The following UBE2Z variants were observed in gnomAD, a reference collection of about 807,000 sequenced individuals.
UBE2Z encodes ubiquitin conjugating enzyme E2 Z, also known as ubiquitin-conjugating enzyme E2 Z.
A neutral mutation model predicts 32.6 loss-of-function variants in UBE2Z; 10 were observed. The observed-to-expected ratio is 0.31, with a 90% CI of 0.19 to 0.52. The LOEUF (loss-of-function observed/expected upper bound fraction) is 0.52. Among genes scored for constraint, UBE2Z ranks in the 20% least tolerant of loss-of-function variants. The pLI is 0.97. For synonymous variants in UBE2Z, 183 were observed against 190.8 expected (o/e 0.96, Z 0.34); for missense variants, 343 against 480.9 (o/e 0.71, Z 2.68).
At chr17:48,915,166 T>C (rs1381491467) in intron 3 of UBE2Z, among the ~76,000 whole-genome samples, 1 of 152,184 alleles carries the variant, frequency 6.6e-6, no homozygotes, top group African/African-American at 2.4e-5. Flanking sequence ...GACTCTGTTG[T>C]AAAGCTTCAG....
intron 4 of UBE2Z, among the ~76,000 whole-genome samples, chr17:48,920,056 A>G (rs1235577228): frequency 6.6e-6 from 1 of 152,066 alleles, no homozygotes; most frequent in South Asian, 2.1e-4. Context: ...GCATTGTGAC[A>G]TGTGCCTTGA....
At chr17:48,912,619 A>G (rs1000246447) in intron 2 of UBE2Z, 2 of 537,230 alleles carry the variant, frequency 3.7e-6, no homozygotes, top group Non-Finnish European at 3.3e-6. Context: ...ACCCCTGAGT[A>G]AGATGTCATT....
In UBE2Z at chr17:48,922,847, A is replaced by G; in HGVS notation, c.804A>G (p.Arg268=). Residue 268 remains arginine (R), a splice_region_variant and synonymous_variant, in exon 6 of 7, where the codon CGA becomes CGG. Coordinates refer to ENST00000360943, the MANE Select transcript of UBE2Z (RefSeq NM_023079.5). ...EGKCPCPEPL[R]GVMEKSFLEY... is the part of the protein sequence containing the mutation. ...TTACACTTTTCTGCTTGTTTTCCAG[A>G]GGGGTGATGGAGAAGTCCTTTCTGG... 6.2e-7 allele frequency: 1 copy of G among 1,609,524 alleles called. No homozygotes were observed. Among genetic ancestry groups the G allele is most frequent in the Non-Finnish European group, 8.5e-7 (1 of 1,176,814 alleles).
intron 5 of UBE2Z, 74 bp from the exon 6 acceptor site, chr17:48,922,773 A>C (rs537463438): frequency 7.2e-6 from 9 of 1,249,168 alleles, no homozygotes; most frequent in African/African-American, 3.0e-5. Context: ...TCTGAAAAAA[A>C]AAAAAGGTTA....
Position 48,912,815 on chromosome 17 carries a change from A to T in UBE2Z, c.391-19A>T. The T allele has an allele frequency of 6.2e-7, 1 of 1,611,978 alleles. No individual in the cohort carries two copies. On this transcript the variant is annotated intron_variant, in intron 2 of 6. Transcript: ENST00000360943. ...TGGGTCATCACCTCACAATTTTGAGATGGGGTTTTATTTTGCAGATTCATG... is the reference window on the plus strand; with the variant it reads ...TGGGTCATCACCTCACAATTTTGAGTTGGGGTTTTATTTTGCAGATTCATG...
At chr17:48,912,514 C>CAA (rs763993307) in intron 2 of UBE2Z, 85,184 of 224,630 alleles carry the variant, frequency 0.38, 14,607 homozygotes, top group East Asian at 0.53. Flanking sequence ...GAGGTCTGCA[C>CAA]AAAAAAAAAA....
Position 48,918,540 on chromosome 17 carries a change from G to A in UBE2Z, c.690+2353G>A, listed in dbSNP as rs561390140. Among the ~76,000 whole-genome samples, 9 of 151,876 alleles carry A rather than the reference G, an allele frequency of 5.9e-5. 1 individual carries two copies. The South Asian group carries it at 1.9e-3, about 32-fold the overall frequency. Reference sequence around the variant, plus strand: ...GTAGAGGTGGCGTTTCACCATGTTGGCCAGCTGGTCTTGAACTCCTGACCT... The same window carrying A: ...GTAGAGGTGGCGTTTCACCATGTTGACCAGCTGGTCTTGAACTCCTGACCT... On this transcript the variant is annotated intron_variant, in intron 4 of 6. Transcript: ENST00000360943.
intron 1 of UBE2Z, chr17:48,910,566 C>A: frequency 2.5e-6 from 1 of 405,928 alleles, no homozygotes. Context: ...GATTTTTTTC[C>A]TCTCTCCCTC....
At chr17:48,913,503 C>T (rs1021788389) in intron 3 of UBE2Z, among the ~76,000 whole-genome samples, 4 of 152,270 alleles carry the variant, frequency 2.6e-5, no homozygotes, top group African/African-American at 9.6e-5. Context: ...TACAGGCGTG[C>T]ACCACCACAC....
chr17:48,927,488 C>T lies in UBE2Z; in HGVS notation c.*354C>T. Reference sequence around the variant, plus strand: ...TAAGTGGAAGATGGAAATTGCAATTCCAAGAGGGAGTGTGCCCAAATGATT... The same window carrying T: ...TAAGTGGAAGATGGAAATTGCAATTTCAAGAGGGAGTGTGCCCAAATGATT... On this transcript the variant is annotated 3_prime_UTR_variant, in exon 7 of 7. Coordinates refer to ENST00000360943, the MANE Select transcript of UBE2Z (RefSeq NM_023079.5). 4.9e-6 allele frequency: 1 copy of T among 203,596 alleles called. No homozygotes were observed. The highest frequency in any genetic ancestry group is 5.2e-5 in the Admixed American group (1 of 19,116). The allele number at this position is 203,596 out of a possible 1,614,324, so 12.6% of individuals were successfully genotyped here.
chr17:48,912,790 T>TG, intron 2 of UBE2Z, 44 bp from the exon 3 acceptor site: 1 of 1,606,114 alleles, frequency 6.2e-7, no homozygotes, highest in East Asian at 2.2e-5. Context: ...GGGCTTGGGG[T>TG]GGGTCATCAC....
At chr17:48,923,307 C>G (rs1379421863) in intron 6 of UBE2Z, among the ~76,000 whole-genome samples, 1 of 120,422 alleles carries the variant, frequency 8.3e-6, no homozygotes, top group Non-Finnish European at 1.6e-5. Context: ...GACAACAGAC[C>G]GAGACTCTGT....
At position 48,921,203 on chromosome 17, in the gene UBE2Z, G is replaced by A. The variant is rs763642687; in HGVS notation, c.734G>A (p.Arg245Gln). The change falls in exon 5 of 7, where the codon CGG (arginine) becomes CAG (glutamine). Residue 245 changes from arginine (R) to glutamine (Q), a missense_variant. Arg to Gln is a conservative substitution (Grantham distance 43). Around this residue, in one of 4 missense-constraint regions of UBE2Z, gnomAD observed 182 missense variants for 312.4 expected, o/e 0.58. Coordinates refer to ENST00000360943, the MANE Select transcript of UBE2Z (RefSeq NM_023079.5). ...GDSKNYNECI[R>Q]HETIRVAVCD... is the part of the protein sequence containing the mutation. ...AGCAAAAACTATAATGAATGTATCC[G>A]GCACGAGACCATCAGAGTTGCAGTC... 37 of 1,612,746 alleles carry A rather than the reference G, an allele frequency of 2.3e-5. No individual in the cohort carries two copies. Among genetic ancestry groups the A allele is most frequent in the Non-Finnish European group, 3.1e-5 (36 of 1,179,454 alleles).
At chr17:48,909,174 C>T (rs2040655372) in intron 1 of UBE2Z, among the ~76,000 whole-genome samples, 1 of 150,934 alleles carries the variant, frequency 6.6e-6, no homozygotes, top group Non-Finnish European at 1.5e-5. Context: ...CCTTCGGCGC[C>T]GCCCCTATTT....
chr17:48,915,913 A>T, intron 3 of UBE2Z, 163 bp from the exon 4 acceptor site: 1 of 305,416 alleles, frequency 3.3e-6, no homozygotes, highest in Admixed American at 6.5e-5. Context: ...ATTTCTGGTG[A>T]AATCAGAACA....
Position 48,916,194 on chromosome 17 carries a change from C to A in UBE2Z, c.690+7C>A. The A allele has an allele frequency of 6.6e-7, 1 of 1,519,554 alleles. No individual in the cohort carries two copies. Among genetic ancestry groups the A allele is most frequent in the Non-Finnish European group, 8.8e-7 (1 of 1,132,920 alleles). The allele number at this position is 1,519,554 out of a possible 1,614,324, so 94.1% of individuals were successfully genotyped here. ...TGAGCCCGGCTTTGAACAGGTAAGG[C>A]CAGATGGGCCTGGCTCTGGGGTGTA... On this transcript the variant is annotated splice_region_variant and intron_variant, in intron 4 of 6. Coordinates refer to ENST00000360943, the MANE Select transcript of UBE2Z (RefSeq NM_023079.5).
chr17:48,912,785 TG>T, intron 2 of UBE2Z, 48 bp from the exon 3 acceptor site: 1 of 1,603,808 alleles, frequency 6.2e-7, no homozygotes, highest in Admixed American at 1.7e-5. Flanking sequence ...CAGGAGGGCT[TG>T]GGGTGGGTCA....
At chr17:48,909,329 A>G (rs777917727) in intron 1 of UBE2Z, among the ~76,000 whole-genome samples, 4 of 151,058 alleles carry the variant, frequency 2.6e-5, no homozygotes, top group Non-Finnish European at 5.9e-5. Flanking sequence ...CTTTCTTTTT[A>G]TCCTCCGTTT....
intron 3 of UBE2Z, among the ~76,000 whole-genome samples, chr17:48,913,554 C>T (rs543253380): frequency 1.3e-5 from 2 of 152,284 alleles, no homozygotes; most frequent in East Asian, 1.9e-4. Flanking sequence ...GGAGTTTCAC[C>T]ATGTTGGCCA....
Sources: allele counts gnomAD v4.1 joint callset (sites outside exome capture counted in the v4.1 genomes callset), GRCh38; gene constraint gnomAD v4.1.1; regional missense constraint gnomAD v4.1.1; transcripts MANE v1.5; gene names NCBI Gene and HGNC (gene_info 2026-07-23, HGNC 2026-07-21).